VNN2: variants seen among roughly 807,000 people sequenced by gnomAD.
VNN2 encodes pantetheine hydrolase VNN2.
VNN2 carries 43 observed loss-of-function variants against 43.0 expected under a neutral mutation model. The ratio of observed to expected loss-of-function variants is 1.00; its 90% CI spans 0.78 to 1.29. The LOEUF is 1.29. Among genes scored for constraint, VNN2 ranks in the 50% most tolerant of loss-of-function variants. The pLI is 0.00. For missense variants in VNN2, 652 were observed against 619.7 expected (o/e 1.05, Z -0.55); for synonymous variants, 230 against 224.3 (o/e 1.03, Z -0.23).
upstream of VNN2, chr6:132,758,033 CTTCTTCTTT>C: frequency 1.3e-4 from 9 of 69,400 alleles, no homozygotes; most frequent in Admixed American, 4.3e-4. Context: ...TCTTCTTCTT[CTTCTTCTTT>C]TTTTTTTTTT....
chr6:132,750,497 G>GTGTATGTATATATGTGTGTATATATA, intron 5 of VNN2, among the ~76,000 whole-genome samples: 14 of 103,700 alleles, frequency 1.4e-4, no homozygotes, highest in African/African-American at 3.2e-4. Flanking sequence ...TTGTATATGT[G>GTGTATGTATATATGTGTGTATATATA]TATATATATA....
upstream of VNN2, among the ~76,000 whole-genome samples, chr6:132,760,052 T>C (rs984634145): frequency 1.3e-5 from 2 of 152,254 alleles, no homozygotes; most frequent in Admixed American, 6.5e-5. Context: ...GAGCAGGATG[T>C]TCGCTTCTCA....
rs781268124 is a variant in VNN2 at position 132,752,579 on chromosome 6, T to G, written c.708A>C (p.Thr236=). The change falls in exon 4 of 7, where the codon ACA becomes ACC. Residue 236 remains threonine, a synonymous_variant. Transcript: ENST00000326499. The stretch of plus-strand genomic sequence containing the variant: ...AAAGGGGCAAAACGTTCATCCAAGC[T>G]GTGGGAAACAGTATGGTGTCCACAT... The part of the protein sequence containing the change: ...DFHVDTILFP[T]AWMNVLPLLT... 6.2e-7 allele frequency: 1 copy of G among 1,614,208 alleles called. No individual in the cohort carries two copies. The highest frequency in any genetic ancestry group is 1.6e-4 in the Middle Eastern group (1 of 6,062).
At position 132,744,924 on chromosome 6, in the gene VNN2, A is replaced by AAAAC. The variant is rs148525982; in HGVS notation, c.1372-434_1372-433insGTTT. ...GTAAGTGCTAGGAGGTCTGAGAAAAAAAAAACTGAACTGGTCTGTTTCACG... is the reference window on the plus strand; with the variant it reads ...GTAAGTGCTAGGAGGTCTGAGAAAAAAAACAAAAACTGAACTGGTCTGTTTCACG... On this transcript the variant is annotated intron_variant, in intron 6 of 6. Coordinates refer to ENST00000326499, the MANE Select transcript of VNN2 (RefSeq NM_004665.6). Among the ~76,000 whole-genome samples the AAAAC allele has an allele frequency of 3.1e-3, 472 of 152,320 alleles. 7 individuals carry two copies. Among genetic ancestry groups the AAAAC allele is most frequent in the African/African-American group, 0.011 (452 of 41,580 alleles).
Position 132,749,772 on chromosome 6 carries a change from T to C in VNN2, c.1294A>G (p.Ser432Gly). Residue 432 changes from serine (S) to glycine (G), a missense_variant, in exon 6 of 7, where the codon AGT (serine) becomes GGT (glycine). Coordinates refer to ENST00000326499, the MANE Select transcript of VNN2 (RefSeq NM_004665.6). ...ASTRFEMFSL[S>G]GTFGTEYVFP... The stretch of plus-strand genomic sequence containing the variant: ...ACATACTCTGTTCCAAATGTGCCAC[T>C]GAGGGAGAACATTTCAAATCTTGTA... 1 of 1,614,098 alleles carries C rather than the reference T, an allele frequency of 6.2e-7. No homozygotes were observed. The highest frequency in any genetic ancestry group is 8.5e-7 in the Non-Finnish European group (1 of 1,179,970).
chr6:132,751,101 A>T, intron 5 of VNN2, 44 bp downstream of exon 5: 4 of 1,532,536 alleles, frequency 2.6e-6, no homozygotes, highest in Non-Finnish European at 3.5e-6. Flanking sequence ...TTAACCTGGA[A>T]TTTACCTTTC....
At chr6:132,762,045 A>G (rs1289908130), upstream of VNN2, among the ~76,000 whole-genome samples, 3 of 152,226 alleles carry the variant, frequency 2.0e-5, no homozygotes, top group African/African-American at 7.2e-5. Flanking sequence ...CTGTTGTTCA[A>G]TTCAAATTCT....
rs552130704 is a variant in VNN2, at chr6:132,745,820, A to C, written c.1372-1329T>G. Among the ~76,000 whole-genome samples the C allele has an allele frequency of 2.0e-5, 3 of 152,326 alleles. No homozygotes were observed. The East Asian group carries it at 5.8e-4, about 29-fold the overall frequency. ...AACAAGAACAGAAGGAAACATGCAT[A>C]GACAGTCAATAAACAGAACAAGAAT... is the stretch of plus-strand genomic sequence containing the variant. On this transcript the variant is annotated intron_variant, in intron 6 of 6. Coordinates refer to ENST00000326499, the MANE Select transcript of VNN2 (RefSeq NM_004665.6).
chr6:132,755,287 T>G (rs1284907005), intron 3 of VNN2, among the ~76,000 whole-genome samples: 1 of 120,886 alleles, frequency 8.3e-6, no homozygotes, highest in African/African-American at 3.6e-5. Context: ...TGGACCATCA[T>G]GCTACTTTTT....
In VNN2 at chr6:132,757,877, T is replaced by A. The variant is rs763023597; in HGVS notation, c.7A>T (p.Thr3Ser). Reference sequence around the variant, plus strand: ...GCCACAGAGATTGGAAAAGAGGAAGTGACCATGGCCAAGGTTTAGTGATTT... The same window carrying A: ...GCCACAGAGATTGGAAAAGAGGAAGAGACCATGGCCAAGGTTTAGTGATTT... MV[T>S]SSFPISVAVF... The change falls in exon 1 of 7, where the codon ACT (threonine) becomes TCT (serine). Residue 3 changes from threonine (T) to serine (S), a missense_variant. Physicochemically the swap from Thr to Ser is moderately conservative, Grantham distance 58. Coordinates refer to ENST00000326499, the MANE Select transcript of VNN2 (RefSeq NM_004665.6). 6.2e-7 allele frequency: 1 copy of A among 1,613,340 alleles called. No individual in the cohort carries two copies. The highest frequency in any genetic ancestry group is 8.5e-7 in the Non-Finnish European group (1 of 1,179,518).
intron 6 of VNN2, among the ~76,000 whole-genome samples, chr6:132,749,426 G>A (rs1443291151): frequency 2.0e-5 from 3 of 152,240 alleles, no homozygotes; most frequent in Non-Finnish European, 4.4e-5. Flanking sequence ...TCCAGGACAA[G>A]GCAATCACAA....
At chr6:132,751,878 A>C (rs1011205353) in intron 4 of VNN2, among the ~76,000 whole-genome samples, 3 of 152,086 alleles carry the variant, frequency 2.0e-5, no homozygotes, top group Non-Finnish European at 2.9e-5. Context: ...AATATATCCA[A>C]AAATTCCTTA....
chr6:132,760,104 A>G (rs1341728349), upstream of VNN2, among the ~76,000 whole-genome samples: 5 of 152,174 alleles, frequency 3.3e-5, no homozygotes, highest in Admixed American at 6.5e-5. Flanking sequence ...AAAACAGCAC[A>G]TGTGTCTGTG....
chr6:132,745,800 G>T (rs1779681638), intron 6 of VNN2, among the ~76,000 whole-genome samples: 3 of 152,084 alleles, frequency 2.0e-5, no homozygotes, highest in African/African-American at 4.8e-5. Context: ...AATTGAACAA[G>T]AACAGAAGGA....
intron 6 of VNN2, among the ~76,000 whole-genome samples, chr6:132,745,986 T>A (rs1217563433): frequency 1.3e-5 from 2 of 152,216 alleles, no homozygotes; most frequent in Non-Finnish European, 1.5e-5. Context: ...AATGACTAAA[T>A]ATCCTAGAAG....
In VNN2 at chr6:132,755,935, G is replaced by A. The variant is rs774338321; in HGVS notation, c.445C>T (p.Arg149Cys). 75 of 1,614,014 alleles carry A rather than the reference G, an allele frequency of 4.6e-5. No individual in the cohort carries two copies. The highest frequency in any genetic ancestry group is 2.1e-4 in the African/African-American group (16 of 74,918). The change falls in exon 3 of 7, where the codon CGT (arginine) becomes TGT (cysteine). Residue 149 changes from arginine (R) to cysteine (C), a missense_variant. Transcript: ENST00000326499. ...CCATTAGGAGGACATGTGGAGTCAC[G>A]GGAATTACATGGCTTTTTGTCCCCC... ...NLGDKKPCNS[R>C]DSTCPPNGYF...
intron 2 of VNN2, among the ~76,000 whole-genome samples, chr6:132,756,660 C>T (rs1292302268): frequency 3.3e-5 from 5 of 152,146 alleles, no homozygotes; most frequent in Non-Finnish European, 5.9e-5. Context: ...TGCTCTTCTT[C>T]GACTCTTCTG....
chr6:132,747,755 A>T (rs1472992190), intron 6 of VNN2, among the ~76,000 whole-genome samples: 1 of 152,238 alleles, frequency 6.6e-6, no homozygotes, highest in African/African-American at 2.4e-5. Context: ...GACATTTGGG[A>T]TGAAATTTTT....
rs1195362295 is a variant in VNN2 at position 132,744,276 on chromosome 6, G to A, written c.*24C>T. On this transcript the variant is annotated 3_prime_UTR_variant, in exon 7 of 7. Transcript: ENST00000326499. Reference sequence around the variant, plus strand: ...CACATTCAGCCAAGCATATGATGCAGAAGCTGAGTGATAAAGAGACGCCCT... The same window carrying A: ...CACATTCAGCCAAGCATATGATGCAAAAGCTGAGTGATAAAGAGACGCCCT... 1.9e-6 allele frequency: 3 copies of A among 1,584,014 alleles called. No individual in the cohort carries two copies. The highest frequency in any genetic ancestry group is 2.6e-6 in the Non-Finnish European group (3 of 1,169,018).
Sources: allele counts gnomAD v4.1 joint callset (sites outside exome capture counted in the v4.1 genomes callset), GRCh38; gene constraint gnomAD v4.1.1; transcripts MANE v1.5; gene names NCBI Gene and HGNC (gene_info 2026-07-23, HGNC 2026-07-21).